SLC5A10: variants seen among roughly 807,000 people sequenced by gnomAD.
The protein encoded by SLC5A10 is solute carrier family 5 member 10, also known as sodium/mannose cotransporter SLC5A10.
Under a neutral mutation model 68.9 loss-of-function variants are expected in SLC5A10, and 55 were observed. The observed-to-expected ratio is 0.80, with a 90% CI of 0.64 to 1.00. The LOEUF (loss-of-function observed/expected upper bound fraction) is 1.00. Ranked by LOEUF, SLC5A10 falls within the 50% of genes least tolerant of loss-of-function variation. SLC5A10 has a pLI of 0.00. For missense variants in SLC5A10, 732 were observed against 819.3 expected (o/e 0.89, Z 1.30); for synonymous variants, 344 against 344.8 (o/e 1.00, Z 0.02).
chr17:18,971,205 G>A lies in SLC5A10; in HGVS notation c.833G>A (p.Trp278Ter). The A allele has an allele frequency of 6.2e-7, 1 of 1,613,928 alleles. No individual in the cohort carries two copies. Among genetic ancestry groups the A allele is most frequent in the Non-Finnish European group, 8.5e-7 (1 of 1,180,036 alleles). ...FGLTIMATWYWCTDQVIVQRS... is the reference protein window; with the variant it reads ...FGLTIMATWY ...CTGACCATCATGGCCACCTGGTACT[G>A]GTGCACCGACCAGGTGAGTGCCAAC... The change falls in exon 8 of 15, where the codon TGG becomes TAG. Residue 278 changes from tryptophan (W) to a stop codon, truncating the protein, a stop_gained. Coordinates refer to ENST00000395645, the MANE Select transcript of SLC5A10 (RefSeq NM_001042450.4). LOFTEE classifies it high-confidence loss of function. This position sits in a 1 kb window ranked among gnomAD's most constrained non-coding sequence, Gnocchi z 5.5.
chr17:19,012,063 G>A (rs559982591), intron 9 of SLC5A10, among the ~76,000 whole-genome samples: 2 of 152,192 alleles, frequency 1.3e-5, no homozygotes, highest in East Asian at 1.9e-4. Context: ...GAACTCCCCC[G>A]TAATCATCAT....
At chr17:18,953,128 CTTTT>C (rs34638037) in intron 1 of SLC5A10, among the ~76,000 whole-genome samples, 63 of 125,222 alleles carry the variant, frequency 5.0e-4, no homozygotes, top group African/African-American at 1.5e-3. Flanking sequence ...AGTACCCCTT[CTTTT>C]TTTTTTTTTT....
In SLC5A10 at chr17:19,003,955, C is replaced by T. The variant is rs2043806880; in HGVS notation, c.983-9455C>T. The T allele has an allele frequency of 6.2e-7, 1 of 1,612,950 alleles. No individual in the cohort carries two copies. Among genetic ancestry groups the T allele is most frequent in the Non-Finnish European group, 8.5e-7 (1 of 1,179,936 alleles). The stretch of plus-strand genomic sequence containing the variant: ...GGGCCTCCAGCGCCAGCCGCTGCTC[C>T]TCGCTGTAGAAGAACTCAGGCTTGG... On this transcript the variant is annotated intron_variant, in intron 9 of 14. Coordinates refer to ENST00000395645, the MANE Select transcript of SLC5A10 (RefSeq NM_001042450.4). This position sits in a 1 kb window ranked among gnomAD's most constrained non-coding sequence, Gnocchi z 4.5.
At chr17:18,956,465 G>GTTTTTTTTTTTTTTTTTTTTTCTTTTTT (rs2042504202) in intron 1 of SLC5A10, among the ~76,000 whole-genome samples, 2 of 97,992 alleles carry the variant, frequency 2.0e-5, no homozygotes, top group Non-Finnish European at 4.1e-5. Context: ...TTTTCTTTCT[G>GTTTTTTTTTTTTTTTTTTTTTCTTTTTT]TTTTTTTTTT....
At chr17:18,998,771 G>A (rs2043637669) in intron 9 of SLC5A10, among the ~76,000 whole-genome samples, 1 of 152,236 alleles carries the variant, frequency 6.6e-6, no homozygotes, top group Non-Finnish European at 1.5e-5. Context: ...ACCTGTGGTG[G>A]GAGCCTGGGC....
At chr17:19,016,193 G>A (rs1047280468) in intron 11 of SLC5A10, among the ~76,000 whole-genome samples, 8 of 151,956 alleles carry the variant, frequency 5.3e-5, no homozygotes, top group East Asian at 1.9e-4. Context: ...TTGCAGGAGC[G>A]CACCACCACG....
At chr17:18,970,742 G>A (rs994276208) in intron 7 of SLC5A10, 57 of 485,652 alleles carry the variant, frequency 1.2e-4, no homozygotes, top group East Asian at 3.7e-5. Flanking sequence ...AGTGACTCCT[G>A]CTGGGCCAGC....
In SLC5A10 at chr17:19,022,010, G is replaced by A. The variant is rs369064348; in HGVS notation, c.*1579G>A. 59 of 1,595,622 alleles carry A rather than the reference G, an allele frequency of 3.7e-5. No homozygotes were observed. The African/African-American group carries it at 5.8e-4, about 16-fold the overall frequency. ...TCCGTGGGAAGAAGCCAACGCGCCC[G>A]CAGGACCGGCCCCGCCACCAGTGGG... is the stretch of plus-strand genomic sequence containing the variant. On this transcript the variant is annotated 3_prime_UTR_variant, in exon 15 of 15. Coordinates refer to ENST00000395645, the MANE Select transcript of SLC5A10 (RefSeq NM_001042450.4).
At chr17:18,990,546 G>C (rs2043390565) in intron 9 of SLC5A10, among the ~76,000 whole-genome samples, 1 of 152,234 alleles carries the variant, frequency 6.6e-6, no homozygotes, top group Admixed American at 6.5e-5. Flanking sequence ...GACTTGCCCT[G>C]GGCTTGGGCT....
Position 19,003,993 on chromosome 17 carries a change from G to A in SLC5A10, c.983-9417G>A. The A allele has an allele frequency of 1.2e-6, 2 of 1,611,888 alleles. No homozygotes were observed. The highest frequency in any genetic ancestry group is 1.7e-6 in the Non-Finnish European group (2 of 1,179,370). On this transcript the variant is annotated intron_variant, in intron 9 of 14. Transcript: ENST00000395645. This position sits in a 1 kb window ranked among gnomAD's most constrained non-coding sequence, Gnocchi z 4.5. The stretch of plus-strand genomic sequence containing the variant: ...AACTCAGGCTTGGACTCGCTGGAGC[G>A]CCAGTTCACATGGTTGTCGTCCAGA...
chr17:18,960,619 G>C lies in SLC5A10; in HGVS notation c.420G>C (p.Leu140=). The part of the protein sequence containing the change: ...GQRIRMYLSV[L]SLLLSVFTKI... The stretch of plus-strand genomic sequence containing the variant: ...GGATCCGCATGTACCTGTCTGTCCT[G>C]TCCCTGCTACTGTCTGTCTTCACCA... The change falls in exon 5 of 15, where the codon CTG becomes CTC. Residue 140 remains leucine (L), a synonymous_variant. Coordinates refer to ENST00000395645, the MANE Select transcript of SLC5A10 (RefSeq NM_001042450.4). The C allele has an allele frequency of 1.2e-6, 2 of 1,614,142 alleles. No homozygotes were observed. Among genetic ancestry groups the C allele is most frequent in the Non-Finnish European group, 1.7e-6 (2 of 1,179,994 alleles).
rs2074279 is a variant in SLC5A10, at chr17:19,015,083, G to C, written c.1125G>C (p.Ala375=). The C allele has an allele frequency of 0.052, 83,352 of 1,613,796 alleles. 6,996 individuals are homozygous for C. Among genetic ancestry groups the C allele is most frequent in the East Asian group, 0.33 (14,721 of 44,844 alleles). Residue 375 remains alanine, a synonymous_variant, in exon 11 of 15, where the codon GCG becomes GCC. Coordinates refer to ENST00000395645, the MANE Select transcript of SLC5A10 (RefSeq NM_001042450.4). ...LRGLMIAVML[A]ALMSSLTSIF... Reference sequence around the variant, plus strand: ...GGCTGATGATCGCAGTGATGCTGGCGGCGCTCATGTCGTCGCTGACCTCCA... The same window carrying C: ...GGCTGATGATCGCAGTGATGCTGGCCGCGCTCATGTCGTCGCTGACCTCCA...
At chr17:18,988,332 G>A in intron 9 of SLC5A10, 4 of 1,614,224 alleles carry the variant, frequency 2.5e-6, no homozygotes, top group Non-Finnish European at 3.4e-6. Context: ...GATGTACACG[G>A]CCACTTTCCT....
chr17:18,977,084 T>G (rs764984495), intron 9 of SLC5A10, 95 bp downstream of exon 9: 4 of 1,546,240 alleles, frequency 2.6e-6, no homozygotes, highest in Non-Finnish European at 3.5e-6. Flanking sequence ...AGGCAAAGGA[T>G]AGATGTGAAC....
intron 9 of SLC5A10, 47 bp from the exon 10 acceptor site, chr17:19,013,363 T>G (rs773925468): frequency 1.2e-5 from 20 of 1,600,386 alleles, no homozygotes; most frequent in Non-Finnish European, 1.4e-5. Context: ...CCACCCCAGG[T>G]GCTCATGTCT....
chr17:19,007,410 T>C (rs1284148444), intron 9 of SLC5A10, among the ~76,000 whole-genome samples: 2 of 152,204 alleles, frequency 1.3e-5, no homozygotes, highest in Non-Finnish European at 2.9e-5. Flanking sequence ...TTTTACTTTT[T>C]TGTTTTATTA....
At chr17:18,950,706 T>C (rs1567771071), upstream of SLC5A10, 2 of 985,272 alleles carry the variant, frequency 2.0e-6, no homozygotes, top group Admixed American at 6.2e-5. Flanking sequence ...TATTAATTGT[T>C]TTTTGTTGTT....
At chr17:18,956,465 G>GTTTTTTTTTT (rs750867503) in intron 1 of SLC5A10, among the ~76,000 whole-genome samples, 32 of 97,988 alleles carry the variant, frequency 3.3e-4, no homozygotes, top group East Asian at 6.5e-4. Flanking sequence ...TTTTCTTTCT[G>GTTTTTTTTTT]TTTTTTTTTT....
chr17:18,971,911 G>A lies in SLC5A10; in HGVS notation c.846+693G>A, dbSNP rs1489097079. On this transcript the variant is annotated intron_variant, in intron 8 of 14. Coordinates refer to ENST00000395645, the MANE Select transcript of SLC5A10 (RefSeq NM_001042450.4). This position sits in a 1 kb window ranked among gnomAD's most constrained non-coding sequence, Gnocchi z 5.5. ...AGACCAGTTGGTTTAGTCACTCGATGCCTCAGTTCCCCTGTCTGTAATATG... is the reference window on the plus strand; with the variant it reads ...AGACCAGTTGGTTTAGTCACTCGATACCTCAGTTCCCCTGTCTGTAATATG... Among the ~76,000 whole-genome samples the A allele has an allele frequency of 6.6e-6, 1 of 152,228 alleles. No individual in the cohort carries two copies. Among genetic ancestry groups the A allele is most frequent in the Non-Finnish European group, 1.5e-5 (1 of 68,034 alleles).
Sources: allele counts gnomAD v4.1 joint callset (sites outside exome capture counted in the v4.1 genomes callset), GRCh38; gene constraint gnomAD v4.1.1; non-coding constraint Gnocchi (gnomAD v3.1); transcripts MANE v1.5; gene names NCBI Gene and HGNC (gene_info 2026-07-23, HGNC 2026-07-21).